Variants in MACROD2 observed in about 807,000 individuals in gnomAD.
MACROD2 encodes the protein mono-ADP ribosylhydrolase 2.
A neutral mutation model predicts 70.4 loss-of-function variants in MACROD2; 36 were observed. That is an observed-to-expected ratio of 0.51 (90% CI 0.39 to 0.68). MACROD2 has a LOEUF of 0.68. Among genes scored for constraint, MACROD2 ranks in the 30% least tolerant of loss-of-function variants. The pLI is 0.00. For missense variants in MACROD2, 496 were observed against 538.4 expected, an observed-to-expected ratio of 0.92 and a Z score of 0.78; for synonymous variants, 172 against 178.8, an observed-to-expected ratio of 0.96 and a Z score of 0.30.
intron 8 of MACROD2, among the ~76,000 whole-genome samples, chr20:15,618,809 GACTTGCAACAGAGAAAGAGT>G (rs1296098971): frequency 1.2e-4 from 18 of 152,316 alleles, no homozygotes; most frequent in African/African-American, 4.3e-4. Context: ...CAAGACAGGG[GACTTGCAACAGAGAAAGAGT>G]AAAATTCTCA....
chr20:14,916,014 A>C (rs2122615592), intron 5 of MACROD2, among the ~76,000 whole-genome samples: 1 of 152,306 alleles, frequency 6.6e-6, no homozygotes, highest in South Asian at 2.1e-4. Flanking sequence ...AATTACTCAC[A>C]GGGAAATGGG....
chr20:15,327,330 A>C (rs1242530873), intron 6 of MACROD2, among the ~76,000 whole-genome samples: 2 of 152,148 alleles, frequency 1.3e-5, no homozygotes, highest in Non-Finnish European at 2.9e-5. Flanking sequence ...CACAAAGGCG[A>C]GGAGAAGGTG....
intron 5 of MACROD2, among the ~76,000 whole-genome samples, chr20:14,836,240 T>C (rs1451487853): frequency 6.6e-6 from 1 of 152,144 alleles, no homozygotes; most frequent in African/African-American, 2.4e-5. Context: ...GCTGTTACGC[T>C]GTAATACCCA....
intron 5 of MACROD2, among the ~76,000 whole-genome samples, chr20:14,944,496 G>A (rs1244513704): frequency 1.3e-5 from 2 of 152,176 alleles, no homozygotes; most frequent in Non-Finnish European, 2.9e-5. Flanking sequence ...GGTACTGTCA[G>A]TACTAGGCTT....
chr20:14,524,363 T>G (rs933399939), intron 4 of MACROD2, among the ~76,000 whole-genome samples: 4 of 152,242 alleles, frequency 2.6e-5, no homozygotes, highest in African/African-American at 9.6e-5. Context: ...TTCCTTCACA[T>G]TGTTCATGTT....
intron 4 of MACROD2, among the ~76,000 whole-genome samples, chr20:14,630,358 A>G (rs568484456): frequency 1.8e-3 from 277 of 152,338 alleles, no homozygotes; most frequent in African/African-American, 6.3e-3. Context: ...GAAGTAGGAA[A>G]AGCATTTTGT....
chr20:14,139,561 G>A (rs2054842802), intron 3 of MACROD2, among the ~76,000 whole-genome samples: 2 of 152,104 alleles, frequency 1.3e-5, no homozygotes, highest in Non-Finnish European at 2.9e-5. Flanking sequence ...TTTTTAAGCT[G>A]TAAGGTGACA....
chr20:14,202,665 T>G (rs2081489104), intron 3 of MACROD2, among the ~76,000 whole-genome samples: 1 of 152,254 alleles, frequency 6.6e-6, no homozygotes, highest in South Asian at 2.1e-4. Context: ...TATAATAATG[T>G]AGGTATTCTA....
At chr20:14,354,566 T>C (rs1481715302) in intron 3 of MACROD2, among the ~76,000 whole-genome samples, 1 of 152,170 alleles carries the variant, frequency 6.6e-6, no homozygotes, top group Non-Finnish European at 1.5e-5. Context: ...GATATTAAGA[T>C]GTCATTTGCC....
At chr20:14,021,191 G>T (rs1290551483) in intron 2 of MACROD2, among the ~76,000 whole-genome samples, 1 of 151,970 alleles carries the variant, frequency 6.6e-6, no homozygotes, top group African/African-American at 2.4e-5. Context: ...CGGTTTCACC[G>T]TGTTAGCCAG....
At chr20:16,037,621 T>C (rs1250190513) in intron 15 of MACROD2, among the ~76,000 whole-genome samples, 3 of 151,878 alleles carry the variant, frequency 2.0e-5, no homozygotes, top group Non-Finnish European at 4.4e-5. Context: ...ATCATTTTAC[T>C]AGTGAAAAAG....
intron 8 of MACROD2, among the ~76,000 whole-genome samples, chr20:15,772,094 AAAAAAAAATAT>A (rs1568552220): frequency 2.0e-5 from 2 of 101,440 alleles, no homozygotes; most frequent in African/African-American, 8.5e-5. Flanking sequence ...CAAAAAAAAA[AAAAAAAAATAT>A]ATATATATAT....
intron 8 of MACROD2, among the ~76,000 whole-genome samples, chr20:15,803,805 T>G (rs2063746187): frequency 6.6e-6 from 1 of 152,150 alleles, no homozygotes; most frequent in Non-Finnish European, 1.5e-5. Context: ...CACTGAACTT[T>G]GACATAGCAA....
chr20:15,085,867 ACACACAACAC>A (rs1568565914), intron 5 of MACROD2, among the ~76,000 whole-genome samples: 4 of 110,560 alleles, frequency 3.6e-5, no homozygotes, highest in South Asian at 2.8e-4. Flanking sequence ...TAACACACAC[ACACACAACAC>A]ACACACACAC....
At chr20:15,785,110 C>G (rs1168076755) in intron 8 of MACROD2, among the ~76,000 whole-genome samples, 1 of 149,826 alleles carries the variant, frequency 6.7e-6, no homozygotes, top group East Asian at 2.0e-4. Flanking sequence ...CGAGTTGGCG[C>G]CGCTGCACTC....
At chr20:14,429,759 C>T (rs1035926838) in intron 3 of MACROD2, among the ~76,000 whole-genome samples, 1 of 152,088 alleles carries the variant, frequency 6.6e-6, no homozygotes, top group Non-Finnish European at 1.5e-5. Context: ...GGAGTTAACA[C>T]CCTCAAGAGC....
intron 3 of MACROD2, among the ~76,000 whole-genome samples, chr20:14,216,599 A>T (rs2081624683): frequency 6.6e-6 from 1 of 152,018 alleles, no homozygotes; most frequent in East Asian, 1.9e-4. Context: ...TTTTGGCAGT[A>T]TGGTCATTTT....
intron 3 of MACROD2, among the ~76,000 whole-genome samples, chr20:14,280,172 A>T (rs1274751185): frequency 1.3e-5 from 2 of 152,136 alleles, no homozygotes; most frequent in Non-Finnish European, 2.9e-5. Context: ...TAAAGCCTTC[A>T]AGGATCTGGT....
rs1568642500 is a variant in MACROD2, at chr20:15,922,091, G to A, written c.776-11185G>A. On this transcript the variant is annotated intron_variant, in intron 10 of 17. Transcript: ENST00000684519. ...TGAGACCAGAAAAAGCCCTCAGGCC[G>A]CATATTCAAGAGAAGAAGCCTCTGG... is the stretch of plus-strand genomic sequence containing the variant. 2.6e-5 allele frequency among the ~76,000 whole-genome samples: 4 copies of A among 152,308 alleles called. No individual in the cohort carries two copies. In the South Asian group the frequency reaches 8.3e-4, roughly 32 times the overall value.
Sources: gnomAD v4.1 joint callset for allele counts (sites outside exome capture counted in the v4.1 genomes callset) on GRCh38, gnomAD v4.1.1 for gene constraint, MANE v1.5 for transcripts, NCBI Gene and HGNC (gene_info 2026-07-23, HGNC 2026-07-21) for gene names.